FBXL7: variants seen among roughly 807,000 people sequenced by gnomAD.
FBXL7 encodes F-box and leucine rich repeat protein 7.
A neutral mutation model predicts 38.3 loss-of-function variants in FBXL7; 12 were observed. The ratio of observed to expected loss-of-function variants is 0.31; its 90% CI spans 0.20 to 0.51. FBXL7 has a LOEUF of 0.51. FBXL7 is among the 20% of genes least tolerant of loss of function. FBXL7 has a pLI of 0.98. For missense variants in FBXL7, 567 were observed against 676.4 expected (o/e 0.84, Z 1.79); for synonymous variants, 297 against 300.9 (o/e 0.99, Z 0.13).
intron 2 of FBXL7, among the ~76,000 whole-genome samples, chr5:15,918,677 T>C (rs1741663494): frequency 6.6e-6 from 1 of 152,192 alleles, no homozygotes; most frequent in African/African-American, 2.4e-5. Context: ...TGACTGATAT[T>C]ACATGAGTTC....
At chr5:15,677,474 A>AAGAGAGAGAG (rs1554013981) in intron 2 of FBXL7, among the ~76,000 whole-genome samples, 15 of 149,058 alleles carry the variant, frequency 1.0e-4, no homozygotes, top group African/African-American at 2.5e-4. Flanking sequence ...AAAAGAAAGA[A>AAGAGAGAGAG]AGAGAGAGAG....
chr5:15,851,511 G>T (rs908850240), intron 2 of FBXL7, among the ~76,000 whole-genome samples: 1 of 152,146 alleles, frequency 6.6e-6, no homozygotes, highest in Admixed American at 6.5e-5. Flanking sequence ...CTAATAGTTT[G>T]AAATATACTC....
At chr5:15,915,134 C>G (rs1362049442) in intron 2 of FBXL7, among the ~76,000 whole-genome samples, 1 of 152,160 alleles carries the variant, frequency 6.6e-6, no homozygotes, top group Non-Finnish European at 1.5e-5. Flanking sequence ...GGAAGAATCT[C>G]ATACATACTC....
chr5:15,676,039 A>G (rs971958571), intron 2 of FBXL7, among the ~76,000 whole-genome samples: 2 of 151,982 alleles, frequency 1.3e-5, no homozygotes, highest in South Asian at 2.1e-4. Context: ...ATCATTGATA[A>G]CCTCTAAATT....
chr5:15,859,800 C>A (rs1739398886), intron 2 of FBXL7, among the ~76,000 whole-genome samples: 1 of 152,060 alleles, frequency 6.6e-6, no homozygotes, highest in South Asian at 2.1e-4. Flanking sequence ...CATGTCACCA[C>A]TCAAGATATC....
At chr5:15,629,079 A>G (rs996088956) in intron 2 of FBXL7, among the ~76,000 whole-genome samples, 5 of 151,826 alleles carry the variant, frequency 3.3e-5, no homozygotes, top group African/African-American at 1.2e-4. Context: ...GGAGTTCAAG[A>G]CCAGCCTGGG....
At chr5:15,649,697 C>CTT (rs34675600) in intron 2 of FBXL7, among the ~76,000 whole-genome samples, 5,317 of 146,320 alleles carry the variant, frequency 0.036, 306 homozygotes, top group African/African-American at 0.13. Flanking sequence ...TCTTTCTTTT[C>CTT]TTTTTTTTTT....
At chr5:15,830,986 A>AGTCCT (rs1199324629) in intron 2 of FBXL7, among the ~76,000 whole-genome samples, 1 of 152,158 alleles carries the variant, frequency 6.6e-6, no homozygotes, top group East Asian at 1.9e-4. Flanking sequence ...GCAAGGCCTC[A>AGTCCT]GTCCTGGAGT....
chr5:15,543,647 A>G (rs924538382), intron 1 of FBXL7, among the ~76,000 whole-genome samples: 4 of 152,182 alleles, frequency 2.6e-5, no homozygotes, highest in Non-Finnish European at 4.4e-5. Flanking sequence ...CTGCTGGTTG[A>G]TGAATGGGAA....
intron 1 of FBXL7, among the ~76,000 whole-genome samples, chr5:15,575,952 C>T (rs1238589825): frequency 6.6e-6 from 1 of 152,064 alleles, no homozygotes; most frequent in East Asian, 1.9e-4. Flanking sequence ...AATACATTCT[C>T]CATTCCCTGC....
Position 15,835,538 on chromosome 5 carries a change from C to CT in FBXL7, c.128-92350dup, listed in dbSNP as rs1363145673. Reference sequence around the variant, plus strand: ...TTTTGAATGTCTACTAAGCGTTTTACTTGACACATGCTTCTCAGCTTCACA... The same window carrying CT: ...TTTTGAATGTCTACTAAGCGTTTTACTTTGACACATGCTTCTCAGCTTCACA... On this transcript the variant is annotated intron_variant, in intron 2 of 3. Coordinates refer to ENST00000504595, the MANE Select transcript of FBXL7 (RefSeq NM_012304.5). Among the ~76,000 whole-genome samples the CT allele has an allele frequency of 7.2e-5, 11 of 152,258 alleles. No individual in the cohort carries two copies. The East Asian group carries it at 2.1e-3, about 29-fold the overall frequency.
intron 2 of FBXL7, among the ~76,000 whole-genome samples, chr5:15,685,737 G>A (rs1742996809): frequency 6.6e-6 from 1 of 152,164 alleles, no homozygotes; most frequent in Admixed American, 6.5e-5. Context: ...AAATGGGGTA[G>A]CAATGCCTTC....
At chr5:15,912,340 C>G (rs1197744473) in intron 2 of FBXL7, among the ~76,000 whole-genome samples, 2 of 132,744 alleles carry the variant, frequency 1.5e-5, no homozygotes, top group Admixed American at 1.5e-4. Flanking sequence ...CTCCCTGACC[C>G]CTTGCGCTTC....
At chr5:15,875,685 A>G (rs1386684477) in intron 2 of FBXL7, among the ~76,000 whole-genome samples, 1 of 152,228 alleles carries the variant, frequency 6.6e-6, no homozygotes, top group African/African-American at 2.4e-5. Flanking sequence ...AGAAATGCAA[A>G]TCAAAACCAC....
At chr5:15,568,513 C>T (rs1738662017) in intron 1 of FBXL7, among the ~76,000 whole-genome samples, 1 of 151,788 alleles carries the variant, frequency 6.6e-6, no homozygotes, top group Admixed American at 6.5e-5. Context: ...GAGTAGATTG[C>T]AAAAATTTTC....
rs116401492 is a variant in FBXL7, at chr5:15,733,514, G to A, written c.127+117442G>A. Among the ~76,000 whole-genome samples the A allele has an allele frequency of 4.1e-3, 618 of 152,304 alleles. 5 individuals carry two copies. The highest frequency in any genetic ancestry group is 0.014 in the African/African-American group (596 of 41,572). ...AATCTGACAAATATTCATTTAGTAT[G>A]CCATGAATGGAACACTGTACTGGGA... On this transcript the variant is annotated intron_variant, in intron 2 of 3. Coordinates refer to ENST00000504595, the MANE Select transcript of FBXL7 (RefSeq NM_012304.5).
At chr5:15,806,879 G>C (rs1737726678) in intron 2 of FBXL7, among the ~76,000 whole-genome samples, 1 of 152,192 alleles carries the variant, frequency 6.6e-6, no homozygotes, top group Non-Finnish European at 1.5e-5. Flanking sequence ...CTGCCCTGTT[G>C]TCAAATGTGC....
chr5:15,818,393 G>A (rs557962226), intron 2 of FBXL7, among the ~76,000 whole-genome samples: 1 of 152,222 alleles, frequency 6.6e-6, no homozygotes, highest in South Asian at 2.1e-4. Flanking sequence ...CCATTTCTAA[G>A]TTTTTTGGCT....
chr5:15,744,984 C>G (rs765700924), intron 2 of FBXL7, among the ~76,000 whole-genome samples: 2 of 152,052 alleles, frequency 1.3e-5, no homozygotes, highest in Admixed American at 1.3e-4. Flanking sequence ...TACCTCCCAC[C>G]AGGTCTCTCA....
Sources: allele counts gnomAD v4.1 joint callset (sites outside exome capture counted in the v4.1 genomes callset), GRCh38; gene constraint gnomAD v4.1.1; transcripts MANE v1.5; gene names NCBI Gene and HGNC (gene_info 2026-07-23, HGNC 2026-07-21).